Variants in RUVBL1 observed in about 807,000 individuals in gnomAD.
The protein encoded by RUVBL1 is RuvB like AAA ATPase 1.
Under a neutral mutation model 52.4 loss-of-function variants are expected in RUVBL1, and 4 were observed. That is an observed-to-expected ratio of 0.08 (90% confidence interval 0.04 to 0.17). The LOEUF is 0.17. Ranked by LOEUF, RUVBL1 falls within the 10% of genes least tolerant of loss-of-function variation. The pLI is 1.00. For missense variants in RUVBL1, 298 were observed against 572.8 expected (o/e 0.52, Z 4.90); for synonymous variants, 217 against 214.4 (o/e 1.01, Z -0.10).
At chr3:128,151,149 TTCTATATATATTCTATATATAC>T (rs1944204035) in intron 1 of RUVBL1, among the ~76,000 whole-genome samples, 1 of 128,538 alleles carries the variant, frequency 7.8e-6, no homozygotes, top group Non-Finnish European at 1.6e-5. Context: ...ATTCTATATA[TTCTATATATATTCTATATATAC>T]TCTATATACA....
At chr3:128,077,134 C>T (rs1366815681), downstream of RUVBL1, among the ~76,000 whole-genome samples, 1 of 151,956 alleles carries the variant, frequency 6.6e-6, no homozygotes, top group African/African-American at 2.4e-5. Context: ...CATCCGTCGC[C>T]GAGACGCGCG....
chr3:128,105,956 G>A lies in RUVBL1; in HGVS notation c.362-1032C>T, dbSNP rs999685280. ...GCGAACTTGGCTCACAGCAAGCTCC[G>A]CCTCCCAGGTTCAAGTGATTCTCCT... On this transcript the variant is annotated intron_variant, in intron 3 of 10. Coordinates refer to ENST00000322623, the MANE Select transcript of RUVBL1 (RefSeq NM_003707.3). Among the ~76,000 whole-genome samples the A allele has an allele frequency of 5.2e-5, 7 of 135,586 alleles. No homozygotes were observed. The South Asian group carries it at 1.3e-3, about 24-fold the overall frequency. The allele number at this position is 135,586 out of a possible 152,430, so 88.9% of individuals were successfully genotyped here. A position where few individuals can be genotyped will look rare whatever the true frequency, so the allele number is the denominator to read the frequency against.
chr3:128,153,903 C>T, exon 1 of RUVBL1: 5 of 1,420,002 alleles, frequency 3.5e-6, no homozygotes, highest in Non-Finnish European at 4.6e-6. Context: ...TCGCTCGAGC[C>T]TTTGCCGGGA....
chr3:128,066,024 G>A (rs1282862393), intron 9 of RUVBL1, among the ~76,000 whole-genome samples: 1 of 152,028 alleles, frequency 6.6e-6, no homozygotes, highest in Non-Finnish European at 1.5e-5. Flanking sequence ...TTACAGGCGT[G>A]AGCCACCGCA....
intron 1 of RUVBL1, among the ~76,000 whole-genome samples, chr3:128,139,681 A>G (rs1241389789): frequency 6.6e-6 from 1 of 152,218 alleles, no homozygotes; most frequent in Non-Finnish European, 1.5e-5. Context: ...AGGTGAATGG[A>G]TAAAGAAAAT....
At chr3:128,111,185 A>C (rs1943384356) in intron 3 of RUVBL1, among the ~76,000 whole-genome samples, 1 of 149,372 alleles carries the variant, frequency 6.7e-6, no homozygotes, top group Non-Finnish European at 1.5e-5. Flanking sequence ...AGATCACGCC[A>C]CTGCACTCCA....
chr3:128,100,733 C>G lies in RUVBL1; in HGVS notation c.615G>C (p.Arg205Ser), dbSNP rs1177619634. 6.2e-7 allele frequency: 1 copy of G among 1,612,848 alleles called. No homozygotes were observed. The part of the protein sequence containing the change: ...ANSGAVKRQG[R>S]CDTYATEFDL... Reference sequence around the variant, plus strand: ...CGAATTCTGTGGCATAGGTATCACACCTGCCCTGCCTCTGCAAAAAGAGAG... The same window carrying G: ...CGAATTCTGTGGCATAGGTATCACAGCTGCCCTGCCTCTGCAAAAAGAGAG... The change falls in exon 6 of 11, where the codon AGG becomes AGC. Residue 205 changes from arginine (R) to serine (S), a missense_variant. Physicochemically the swap from Arg to Ser is moderately radical, Grantham distance 110. This residue lies in a region of RUVBL1 where 58 missense variants were observed against 83.2 expected (regional missense o/e 0.70). Coordinates refer to ENST00000322623, the MANE Select transcript of RUVBL1 (RefSeq NM_003707.3).
intron 8 of RUVBL1, among the ~76,000 whole-genome samples, chr3:128,096,421 T>G (rs1415606817): frequency 1.3e-5 from 2 of 152,144 alleles, no homozygotes; most frequent in African/African-American, 4.8e-5. Context: ...GTATGAACAC[T>G]TGTCTTCCAG....
Position 128,097,338 on chromosome 3 carries a change from G to A in RUVBL1, c.978C>T (p.Ile326=), listed in dbSNP as rs754949130. Reference sequence around the variant, plus strand: ...TGCCTCGGTTGGATGCAAAGATGACGATGGGAGCGATAGAAGACTCCAGGG... The same window carrying A: ...TGCCTCGGTTGGATGCAAAGATGACAATGGGAGCGATAGAAGACTCCAGGG... ...HRALESSIAP[I]VIFASNRGNC... Residue 326 remains isoleucine, a synonymous_variant, in exon 8 of 11, where the codon ATC becomes ATT. Coordinates refer to ENST00000322623, the MANE Select transcript of RUVBL1 (RefSeq NM_003707.3). The A allele has an allele frequency of 4.6e-5, 74 of 1,614,064 alleles. No individual in the cohort carries two copies. Among genetic ancestry groups the A allele is most frequent in the Middle Eastern group, 3.3e-4 (2 of 6,084 alleles).
At chr3:128,086,885 T>C (rs1343045663) in intron 9 of RUVBL1, among the ~76,000 whole-genome samples, 4 of 152,214 alleles carry the variant, frequency 2.6e-5, no homozygotes, top group African/African-American at 9.7e-5. Flanking sequence ...CCCTGTCGTC[T>C]CCCAACTCAG....
chr3:128,104,516 C>T (rs1280766937), intron 4 of RUVBL1, among the ~76,000 whole-genome samples: 2 of 152,184 alleles, frequency 1.3e-5, no homozygotes, highest in Non-Finnish European at 2.9e-5. Flanking sequence ...CTTGACTTAA[C>T]CACACAGCTC....
intron 1 of RUVBL1, among the ~76,000 whole-genome samples, chr3:128,150,852 A>G (rs1246786317): frequency 1.3e-5 from 1 of 78,950 alleles, no homozygotes; most frequent in Non-Finnish European, 2.2e-5. Flanking sequence ...TATATATTCT[A>G]TATATTATAT....
downstream of RUVBL1, among the ~76,000 whole-genome samples, chr3:128,077,697 C>T (rs577643559): frequency 5.3e-5 from 8 of 152,356 alleles, no homozygotes; most frequent in South Asian, 1.4e-3. Flanking sequence ...GCTGTGTGGC[C>T]CTGAGCCAGT....
chr3:128,108,700 A>T (rs1161073336), intron 3 of RUVBL1, among the ~76,000 whole-genome samples: 1 of 99,128 alleles, frequency 1.0e-5, no homozygotes, highest in East Asian at 2.0e-4. Context: ...TGTCTCAATT[A>T]AAAAAAAAAA....
At chr3:128,098,603 T>G (rs1288124334) in intron 7 of RUVBL1, among the ~76,000 whole-genome samples, 1 of 152,204 alleles carries the variant, frequency 6.6e-6, no homozygotes, top group East Asian at 1.9e-4. Flanking sequence ...CTCCAGAGCC[T>G]GTGCTCCAGC....
At chr3:128,088,626 T>A (rs1004004079) in intron 8 of RUVBL1, among the ~76,000 whole-genome samples, 12 of 151,814 alleles carry the variant, frequency 7.9e-5, no homozygotes, top group Admixed American at 1.3e-4. Context: ...TTTTTGAGAC[T>A]GGGTCTTGTT....
intron 6 of RUVBL1, among the ~76,000 whole-genome samples, chr3:128,100,224 A>T (rs1386066954): frequency 6.6e-6 from 1 of 152,164 alleles, no homozygotes; most frequent in Non-Finnish European, 1.5e-5. Context: ...GGAAAGAAAG[A>T]GCTTTGTTAG....
intron 1 of RUVBL1, among the ~76,000 whole-genome samples, chr3:128,120,017 T>A (rs1943607561): frequency 6.6e-6 from 1 of 152,232 alleles, no homozygotes; most frequent in Non-Finnish European, 1.5e-5. Context: ...TGTGTCATGC[T>A]ATGATTTGTT....
chr3:128,103,638 C>T (rs1943157976), intron 4 of RUVBL1, among the ~76,000 whole-genome samples: 1 of 152,176 alleles, frequency 6.6e-6, no homozygotes, highest in Non-Finnish European at 1.5e-5. Context: ...AAAGGTCACA[C>T]AGCAAGCTGG....
Sources: allele counts gnomAD v4.1 joint callset (sites outside exome capture counted in the v4.1 genomes callset), GRCh38; gene constraint gnomAD v4.1.1; regional missense constraint gnomAD v4.1.1; transcripts MANE v1.5; gene names NCBI Gene and HGNC (gene_info 2026-07-23, HGNC 2026-07-21).